Variants in PLEKHG3 observed in about 807,000 individuals in gnomAD.
The protein encoded by PLEKHG3 is pleckstrin homology domain-containing family G member 3.
PLEKHG3 carries 62 observed loss-of-function variants against 94.9 expected under a neutral mutation model. That is an observed-to-expected ratio of 0.65 (90% confidence interval 0.53 to 0.81). The LOEUF is 0.81. Ranked by LOEUF, PLEKHG3 falls within the 30% of genes least tolerant of loss-of-function variation. The pLI is 0.00. For missense variants in PLEKHG3, 1,461 were observed against 1,619.3 expected, an observed-to-expected ratio of 0.90 and a Z score of 1.68; for synonymous variants, 614 against 654.0, an observed-to-expected ratio of 0.94 and a Z score of 0.93.
rs2081437575 is a variant in PLEKHG3 at position 64,730,528 on chromosome 14, C to T, written c.520-114C>T. The T allele has an allele frequency of 1.1e-6, 1 of 872,018 alleles. No homozygotes were observed. Among genetic ancestry groups the T allele is most frequent in the African/African-American group, 1.7e-5 (1 of 60,090 alleles). 54.0% of individuals were successfully genotyped at this position (872,018 alleles called of 1,614,324 possible). On this transcript the variant is annotated intron_variant, in intron 4 of 16. Coordinates refer to ENST00000247226, the MANE Select transcript of PLEKHG3 (RefSeq NM_001308147.2). This position sits in a 1 kb window ranked among gnomAD's most constrained non-coding sequence, Gnocchi z 5.4. Reference sequence around the variant, plus strand: ...ATAGGTATAAAGATGGCTCTGTAGGCATTTGGGAACAGGGGACAGAGGGTG... The same window carrying T: ...ATAGGTATAAAGATGGCTCTGTAGGTATTTGGGAACAGGGGACAGAGGGTG...
rs2081456448 is a variant in PLEKHG3, at chr14:64,731,235, G to A, written c.849+66G>A. On this transcript the variant is annotated intron_variant, in intron 7 of 16. Transcript: ENST00000247226. This position sits in a 1 kb window ranked among gnomAD's most constrained non-coding sequence, Gnocchi z 6.1. ...GTGGGCCAGGCTTCCGCTGGGAAGA[G>A]GGACTGTGGCCACCCTGCTGGGATG... The A allele has an allele frequency of 6.6e-7, 1 of 1,514,714 alleles. No homozygotes were observed. The allele number at this position is 1,514,714 out of a possible 1,614,324, so 93.8% of individuals were successfully genotyped here.
In PLEKHG3 at chr14:64,723,128, G is replaced by C. The variant is rs2081292644; in HGVS notation, c.-39-4465G>C. ...CTCTGCACCTGCAATATTCAGGGAA[G>C]CTCCTCCAGAGGGTAGGTGTGGGTG... On this transcript the variant is annotated intron_variant, in intron 1 of 16. Transcript: ENST00000247226. This position sits in a 1 kb window ranked among gnomAD's most constrained non-coding sequence, Gnocchi z 4.5. Among the ~76,000 whole-genome samples, 1 of 152,140 alleles carries C rather than the reference G, an allele frequency of 6.6e-6. No homozygotes were observed. Among genetic ancestry groups the C allele is most frequent in the Non-Finnish European group, 1.5e-5 (1 of 68,036 alleles).
At position 64,721,813 on chromosome 14, in the gene PLEKHG3, G is replaced by A. The variant is rs1389302933; in HGVS notation, c.-39-5780G>A. On this transcript the variant is annotated intron_variant, in intron 1 of 16. Coordinates refer to ENST00000247226, the MANE Select transcript of PLEKHG3 (RefSeq NM_001308147.2). This position sits in a 1 kb window ranked among gnomAD's most constrained non-coding sequence, Gnocchi z 4.3. ...CCCAGGAGAGCCCCTAGGGTGCAGG[G>A]AGCAGTGGGAACACACAGGCAAGAG... is the stretch of plus-strand genomic sequence containing the variant. 6.6e-6 allele frequency among the ~76,000 whole-genome samples: 1 copy of A among 152,212 alleles called. No individual in the cohort carries two copies. Among genetic ancestry groups the A allele is most frequent in the Non-Finnish European group, 1.5e-5 (1 of 68,034 alleles).
intron 12 of PLEKHG3, among the ~76,000 whole-genome samples, chr14:64,735,049 T>C (rs1350488055): frequency 6.6e-6 from 1 of 152,170 alleles, no homozygotes; most frequent in Non-Finnish European, 1.5e-5. Context: ...TTCTAAAGCA[T>C]GTTTTGTACT....
At chr14:64,709,049 C>G (rs1258270882) in intron 1 of PLEKHG3, among the ~76,000 whole-genome samples, 1 of 152,174 alleles carries the variant, frequency 6.6e-6, no homozygotes, top group African/African-American at 2.4e-5. Flanking sequence ...AGCAGGGGGC[C>G]CATCTAGAGC....
rs1203977360 is a variant in PLEKHG3 at position 64,717,954 on chromosome 14, C to A, written c.-39-9639C>A. Among the ~76,000 whole-genome samples, 1 of 152,238 alleles carries A rather than the reference C, an allele frequency of 6.6e-6. No homozygotes were observed. Among genetic ancestry groups the A allele is most frequent in the Non-Finnish European group, 1.5e-5 (1 of 68,040 alleles). ...CCTTTCCCACAAAGCCACGTGGATT[C>A]CTTCCATCTGTCCTTGGCCTGCCTT... On this transcript the variant is annotated intron_variant, in intron 1 of 16. Coordinates refer to ENST00000247226, the MANE Select transcript of PLEKHG3 (RefSeq NM_001308147.2). This position sits in a 1 kb window ranked among gnomAD's most constrained non-coding sequence, Gnocchi z 4.7.
rs1313610570 is a variant in PLEKHG3, at chr14:64,704,648, A to C, written c.-96A>C. On this transcript the variant is annotated 5_prime_UTR_variant, in exon 1 of 17. Coordinates refer to ENST00000247226, the MANE Select transcript of PLEKHG3 (RefSeq NM_001308147.2). The surrounding 1 kb of genome is among the most constrained non-coding windows in gnomAD (Gnocchi z 5.6). ...AAACTCGCGCCCGCGTCGCGGCAGC[A>C]CCTGGGCAGCCCCGCACGCCGTGCG... 6.6e-6 allele frequency: 1 copy of C among 152,612 alleles called. No homozygotes were observed. Among genetic ancestry groups the C allele is most frequent in the Non-Finnish European group, 1.5e-5 (1 of 68,352 alleles). 9.5% of individuals were successfully genotyped at this position (152,612 alleles called of 1,614,324 possible).
At chr14:64,724,517 TACCCATG>T (rs1425545614) in intron 1 of PLEKHG3, among the ~76,000 whole-genome samples, 4 of 152,192 alleles carry the variant, frequency 2.6e-5, no homozygotes, top group Non-Finnish European at 4.4e-5. Flanking sequence ...CCTTTCTGCT[TACCCATG>T]ACCTGTGATC....
In PLEKHG3 at chr14:64,738,002, G is replaced by GGAA. The variant is rs2081608543; in HGVS notation, c.1404+630_1404+632dup. ...TGGAGGAGGAGGAGGAGGAGGAGGA[G>GGAA]GAAGAGCAGGCCTTTCAGGTCTCTC... On this transcript the variant is annotated intron_variant, in intron 14 of 16. Transcript: ENST00000247226. This position sits in a 1 kb window ranked among gnomAD's most constrained non-coding sequence, Gnocchi z 4.8. 2.4e-6 allele frequency: 3 copies of GGAA among 1,263,640 alleles called. No homozygotes were observed. The highest frequency in any genetic ancestry group is 3.1e-6 in the Non-Finnish European group (3 of 976,928). 78.3% of individuals were successfully genotyped at this position (1,263,640 alleles called of 1,614,324 possible). A position where few individuals can be genotyped will look rare whatever the true frequency, so the allele number is the denominator to read the frequency against.
In PLEKHG3 at chr14:64,732,293, G is replaced by GT; in HGVS notation, c.1212+113dup. ...GGATTTGGGCTCCAGTGGACAGTGAGTGTCAGTACAGCAGATGCCCCGGGC... is the reference window on the plus strand; with the variant it reads ...GGATTTGGGCTCCAGTGGACAGTGAGTTGTCAGTACAGCAGATGCCCCGGGC... On this transcript the variant is annotated intron_variant, in intron 10 of 16. Coordinates refer to ENST00000247226, the MANE Select transcript of PLEKHG3 (RefSeq NM_001308147.2). The surrounding 1 kb of genome is among the most constrained non-coding windows in gnomAD (Gnocchi z 4.9). 1 of 1,230,964 alleles carries GT rather than the reference G, an allele frequency of 8.1e-7. No individual in the cohort carries two copies. Among genetic ancestry groups the GT allele is most frequent in the South Asian group, 1.2e-5 (1 of 82,038 alleles). 76.3% of individuals were successfully genotyped at this position (1,230,964 alleles called of 1,614,324 possible).
At position 64,739,747 on chromosome 14, in the gene PLEKHG3, T is replaced by G. The variant is rs141357920; in HGVS notation, c.1518+892T>G. 1.6e-3 allele frequency among the ~76,000 whole-genome samples: 248 copies of G among 152,340 alleles called. No individual in the cohort carries two copies. Among genetic ancestry groups the G allele is most frequent in the African/African-American group, 5.7e-3 (237 of 41,582 alleles). On this transcript the variant is annotated intron_variant, in intron 15 of 16. Transcript: ENST00000247226. The surrounding 1 kb of genome is among the most constrained non-coding windows in gnomAD (Gnocchi z 4.1). Reference sequence around the variant, plus strand: ...GGTGGCTTCTTGCTGTGTCCTCACATGGCAAAGGGGCAAGGAAGCTCCCTT... The same window carrying G: ...GGTGGCTTCTTGCTGTGTCCTCACAGGGCAAAGGGGCAAGGAAGCTCCCTT...
In PLEKHG3 at chr14:64,732,589, G is replaced by T. The variant is rs185811361; in HGVS notation, c.1246+129G>T. The T allele has an allele frequency of 2.1e-3, 1,756 of 856,200 alleles. 30 individuals carry two copies. The Admixed American group carries it at 0.028, about 14-fold the overall frequency. The allele number at this position is 856,200 out of a possible 1,614,324, so 53.0% of individuals were successfully genotyped here. ...GGAGGGCGGGGGTCTCCTGTTAAGGGCTGGGGGGTGAACTACATGATTAAG... is the reference window on the plus strand; with the variant it reads ...GGAGGGCGGGGGTCTCCTGTTAAGGTCTGGGGGGTGAACTACATGATTAAG... On this transcript the variant is annotated intron_variant, in intron 11 of 16. Transcript: ENST00000247226. This position sits in a 1 kb window ranked among gnomAD's most constrained non-coding sequence, Gnocchi z 4.9.
rs1217229459 is a variant in PLEKHG3, at chr14:64,723,761, A to G, written c.-39-3832A>G. 6.6e-6 allele frequency: 1 copy of G among 152,116 alleles called. No homozygotes were observed. The highest frequency in any genetic ancestry group is 1.5e-5 in the Non-Finnish European group (1 of 68,056). The allele number at this position is 152,116 out of a possible 1,614,324, so 9.4% of individuals were successfully genotyped here. A position where few individuals can be genotyped will look rare whatever the true frequency, so the allele number is the denominator to read the frequency against. Reference sequence around the variant, plus strand: ...AGTGATCTGCCCCCCTCTGCCTCCCACAGTGCTGGGATTACAGGCGTGAGC... The same window carrying G: ...AGTGATCTGCCCCCCTCTGCCTCCCGCAGTGCTGGGATTACAGGCGTGAGC... On this transcript the variant is annotated intron_variant, in intron 1 of 16. Transcript: ENST00000247226. This position sits in a 1 kb window ranked among gnomAD's most constrained non-coding sequence, Gnocchi z 4.5.
Position 64,718,508 on chromosome 14 carries a change from GC to G in PLEKHG3, c.-39-9083del, listed in dbSNP as rs34894404. 0.069 allele frequency among the ~76,000 whole-genome samples: 10,442 copies of G among 152,248 alleles called. 390 individuals are homozygous for G. Among genetic ancestry groups the G allele is most frequent in the Non-Finnish European group, 0.085 (5,794 of 68,002 alleles). ...TGTGACTTGTCCTAACTGCAGGGCT[GC>G]CATGATGTCTTTGTGCACAGTAGGT... On this transcript the variant is annotated intron_variant, in intron 1 of 16. Coordinates refer to ENST00000247226, the MANE Select transcript of PLEKHG3 (RefSeq NM_001308147.2). This position sits in a 1 kb window ranked among gnomAD's most constrained non-coding sequence, Gnocchi z 5.0.
intron 1 of PLEKHG3, among the ~76,000 whole-genome samples, chr14:64,706,798 G>C (rs1038783502): frequency 6.6e-6 from 1 of 152,254 alleles, no homozygotes; most frequent in Non-Finnish European, 1.5e-5. Context: ...GAGGGGGAAG[G>C]CTCCTCTGTT....
In PLEKHG3 at chr14:64,722,500, G is replaced by A. The variant is rs1041738280; in HGVS notation, c.-39-5093G>A. Among the ~76,000 whole-genome samples the A allele has an allele frequency of 2.0e-5, 3 of 152,174 alleles. No individual in the cohort carries two copies. Among genetic ancestry groups the A allele is most frequent in the Middle Eastern group, 3.2e-3 (1 of 316 alleles). Reference sequence around the variant, plus strand: ...CTCCCAAAGTGCTGGGATTACAGGCGTGAGCCACTGCGCCTGGCCACGAGG... The same window carrying A: ...CTCCCAAAGTGCTGGGATTACAGGCATGAGCCACTGCGCCTGGCCACGAGG... On this transcript the variant is annotated intron_variant, in intron 1 of 16. Transcript: ENST00000247226. This position sits in a 1 kb window ranked among gnomAD's most constrained non-coding sequence, Gnocchi z 4.3.
rs34353769 is a variant in PLEKHG3, at chr14:64,748,936, CTTTTT to C, written c.*5247_*5251del. On this transcript the variant is annotated 3_prime_UTR_variant, in exon 17 of 17. Coordinates refer to ENST00000247226, the MANE Select transcript of PLEKHG3 (RefSeq NM_001308147.2). ...AGAACCCCATCAGCCTTCTCCAGCT[CTTTTT>C]TTTTTTTTTTTTTGGTTGGGGGTAA... 146 of 128,690 alleles carry C rather than the reference CTTTTT, an allele frequency of 1.1e-3. No individual in the cohort carries two copies. Among genetic ancestry groups the C allele is most frequent in the South Asian group, 4.3e-3 (19 of 4,426 alleles). The allele number at this position is 128,690 out of a possible 1,614,324, so 8.0% of individuals were successfully genotyped here. A position where few individuals can be genotyped will look rare whatever the true frequency, so the allele number is the denominator to read the frequency against.
In PLEKHG3 at chr14:64,748,175, A is replaced by G. The variant is rs1430080037; in HGVS notation, c.*4472A>G. 1.3e-5 allele frequency: 2 copies of G among 149,650 alleles called. No homozygotes were observed. Among genetic ancestry groups the G allele is most frequent in the African/African-American group, 2.6e-5 (1 of 39,064 alleles). 9.3% of individuals were successfully genotyped at this position (149,650 alleles called of 1,614,324 possible). A position where few individuals can be genotyped will look rare whatever the true frequency, so the allele number is the denominator to read the frequency against. On this transcript the variant is annotated 3_prime_UTR_variant, in exon 17 of 17. Transcript: ENST00000247226. Reference sequence around the variant, plus strand: ...GTCACATGGGTGGTGATACCAAGACATGGCTGCGTCTGCCACCCCGAGAAA... The same window carrying G: ...GTCACATGGGTGGTGATACCAAGACGTGGCTGCGTCTGCCACCCCGAGAAA...
intron 1 of PLEKHG3, among the ~76,000 whole-genome samples, chr14:64,708,553 AT>A (rs1477898655): frequency 6.6e-6 from 1 of 152,202 alleles, no homozygotes; most frequent in Non-Finnish European, 1.5e-5. Context: ...AGGGACCAGA[AT>A]TTAAAGTAAC....
Sources: gnomAD v4.1 joint callset for allele counts (sites outside exome capture counted in the v4.1 genomes callset) on GRCh38, gnomAD v4.1.1 for gene constraint, Gnocchi (gnomAD v3.1) non-coding constraint, MANE v1.5 for transcripts, NCBI Gene and HGNC (gene_info 2026-07-23, HGNC 2026-07-21) for gene names.